Variants in PPARGC1B observed in about 807,000 individuals in gnomAD.
PPARGC1B encodes peroxisome proliferator-activated receptor gamma coactivator 1-beta.
PPARGC1B carries 34 observed loss-of-function variants against 101.6 expected under a neutral mutation model. The ratio of observed to expected loss-of-function variants is 0.33; its 90% confidence interval spans 0.25 to 0.45. The LOEUF is 0.45. PPARGC1B is among the 20% of genes least tolerant of loss of function. The pLI, the probability that PPARGC1B is intolerant of heterozygous loss-of-function variation, is 1.00. For missense variants in PPARGC1B, 1,234 were observed against 1,317.6 expected (o/e 0.94, Z 0.98); for synonymous variants, 548 against 539.3 (o/e 1.02, Z -0.22).
intron 1 of PPARGC1B, among the ~76,000 whole-genome samples, chr5:149,756,553 T>A (rs1300833407): frequency 6.6e-6 from 1 of 152,210 alleles, no homozygotes; most frequent in Non-Finnish European, 1.5e-5. Flanking sequence ...ATGTTGGGGC[T>A]TTAGCAGAAT....
In PPARGC1B at chr5:149,833,625, G is replaced by C. The variant is rs528503189; in HGVS notation, c.1552G>C (p.Val518Leu). 12 of 1,609,398 alleles carry C rather than the reference G, an allele frequency of 7.5e-6. No individual in the cohort carries two copies. The highest frequency in any genetic ancestry group is 1.0e-5 in the Non-Finnish European group (12 of 1,178,214). The change falls in exon 5 of 12, where the codon GTA (valine) becomes CTA (leucine). Residue 518 changes from valine (V) to leucine (L), a missense_variant. Transcript: ENST00000309241. The surrounding 1 kb of genome is among the most constrained non-coding windows in gnomAD (Gnocchi z 4.1). ...SLCLAPKAYD[V>L]ERELGSPTDE... ...GTGCCTGGCTCCCAAGGCCTACGAC[G>C]TAGAGCGGGAGCTGGGCAGCCCCAC...
intron 1 of PPARGC1B, among the ~76,000 whole-genome samples, chr5:149,796,790 T>C (rs1475835595): frequency 1.3e-5 from 2 of 152,164 alleles, no homozygotes; most frequent in African/African-American, 4.8e-5. Flanking sequence ...TTTACTGACC[T>C]AGGAGAGACT....
intron 1 of PPARGC1B, among the ~76,000 whole-genome samples, chr5:149,739,498 A>T (rs780606064): frequency 1.3e-5 from 2 of 152,142 alleles, no homozygotes; most frequent in Non-Finnish European, 2.9e-5. Context: ...GCCCTTGGAG[A>T]TACAGGTACA....
At chr5:149,743,973 C>T (rs1440172392) in intron 1 of PPARGC1B, among the ~76,000 whole-genome samples, 1 of 152,186 alleles carries the variant, frequency 6.6e-6, no homozygotes, top group East Asian at 1.9e-4. Context: ...GTCCCCACAT[C>T]TTCCCGGGGG....
chr5:149,755,065 A>ATG (rs1169076099), intron 1 of PPARGC1B, among the ~76,000 whole-genome samples: 1 of 137,792 alleles, frequency 7.3e-6, no homozygotes, highest in Non-Finnish European at 1.6e-5. Flanking sequence ...ATATATATAT[A>ATG]TATATATAAT....
At chr5:149,757,941 G>A (rs760153335) in intron 1 of PPARGC1B, among the ~76,000 whole-genome samples, 4 of 152,252 alleles carry the variant, frequency 2.6e-5, no homozygotes, top group African/African-American at 7.2e-5. Context: ...AGGAGTTTGA[G>A]TTCTAGAAAA....
chr5:149,799,809 T>C (rs1757374600), intron 1 of PPARGC1B, among the ~76,000 whole-genome samples: 1 of 148,016 alleles, frequency 6.8e-6, no homozygotes, highest in African/African-American at 2.5e-5. Context: ...GTGATTATCC[T>C]GCCTCAGCCT....
chr5:149,803,509 C>A (rs1353449177), intron 1 of PPARGC1B, among the ~76,000 whole-genome samples: 2 of 152,180 alleles, frequency 1.3e-5, no homozygotes, highest in Non-Finnish European at 2.9e-5. Context: ...TCTCGTGGTA[C>A]TTACATGTGC....
At position 149,832,847 on chromosome 5, in the gene PPARGC1B, G is replaced by C. The variant is rs770891621; in HGVS notation, c.774G>C (p.Gln258His). The C allele has an allele frequency of 6.2e-7, 1 of 1,609,586 alleles. No homozygotes were observed. The highest frequency in any genetic ancestry group is 1.1e-5 in the South Asian group (1 of 90,762). Residue 258 changes from glutamine to histidine, a missense_variant, in exon 5 of 12, where the codon CAG (glutamine) becomes CAC (histidine). Gln to His is a conservative substitution (Grantham distance 24). Transcript: ENST00000309241. The surrounding 1 kb of genome is among the most constrained non-coding windows in gnomAD (Gnocchi z 4.9). ...CGGGTGAGGACTGCCCGAGCCCCCA[G>C]CCAGCTCCAGCCTCTCCCCGGGACT... ...KEPGEDCPSP[Q>H]PAPASPRDSL...
chr5:149,742,475 A>G (rs1754946624), intron 1 of PPARGC1B, among the ~76,000 whole-genome samples: 1 of 152,106 alleles, frequency 6.6e-6, no homozygotes, highest in Non-Finnish European at 1.5e-5. Flanking sequence ...CCATCCCAAA[A>G]CAAAACAGAA....
intron 3 of PPARGC1B, among the ~76,000 whole-genome samples, chr5:149,827,856 C>T (rs1346226535): frequency 6.6e-6 from 1 of 152,236 alleles, no homozygotes; most frequent in Non-Finnish European, 1.5e-5. Flanking sequence ...TGAGAGCACC[C>T]ATAGCTGAGC....
chr5:149,755,031 CTACATA>C (rs1179338829), intron 1 of PPARGC1B, among the ~76,000 whole-genome samples: 16 of 119,730 alleles, frequency 1.3e-4, no homozygotes, highest in Non-Finnish European at 2.6e-4. Context: ...CACATATACA[CTACATA>C]TACATATACA....
intron 1 of PPARGC1B, among the ~76,000 whole-genome samples, chr5:149,770,928 A>G (rs1756106043): frequency 6.6e-6 from 1 of 152,152 alleles, no homozygotes; most frequent in African/African-American, 2.4e-5. Flanking sequence ...CCATCATAGG[A>G]CTTGATTAAA....
chr5:149,826,524 T>C (rs1466392471), intron 2 of PPARGC1B, 149 bp from the exon 3 acceptor site: 1 of 648,350 alleles, frequency 1.5e-6, no homozygotes, highest in Non-Finnish European at 2.8e-6. Context: ...GCAGCTCTGC[T>C]GGGTGGGCAG....
intron 8 of PPARGC1B, among the ~76,000 whole-genome samples, chr5:149,838,816 G>T (rs1759217379): frequency 6.6e-6 from 1 of 152,142 alleles, no homozygotes; most frequent in Non-Finnish European, 1.5e-5. Flanking sequence ...TCAGTACCTG[G>T]TAAACCTGGT....
intron 1 of PPARGC1B, among the ~76,000 whole-genome samples, chr5:149,764,005 G>T (rs1388473169): frequency 6.6e-6 from 1 of 152,036 alleles, no homozygotes; most frequent in African/African-American, 2.4e-5. Context: ...CCCCTTTATT[G>T]GTCATAGCCC....
intron 1 of PPARGC1B, among the ~76,000 whole-genome samples, chr5:149,810,921 C>T (rs1757829218): frequency 6.6e-6 from 1 of 152,188 alleles, no homozygotes; most frequent in Admixed American, 6.5e-5. Flanking sequence ...GGTAGTCCAT[C>T]ATAAGACTTT....
At chr5:149,834,159 G>C (rs1288948580) in intron 5 of PPARGC1B, among the ~76,000 whole-genome samples, 1 of 152,252 alleles carries the variant, frequency 6.6e-6, no homozygotes, top group African/African-American at 2.4e-5. Flanking sequence ...TGCAGCTAGA[G>C]TTTTAAATGC....
intron 8 of PPARGC1B, among the ~76,000 whole-genome samples, chr5:149,838,177 C>T (rs1759186203): frequency 6.6e-6 from 1 of 152,130 alleles, no homozygotes; most frequent in Non-Finnish European, 1.5e-5. Flanking sequence ...TATACATCTA[C>T]AACAAGTGTT....
Sources: allele counts gnomAD v4.1 joint callset (sites outside exome capture counted in the v4.1 genomes callset), GRCh38; gene constraint gnomAD v4.1.1; non-coding constraint Gnocchi (gnomAD v3.1); transcripts MANE v1.5; gene names NCBI Gene and HGNC (gene_info 2026-07-23, HGNC 2026-07-21).